Variants in PRKDC observed in about 807,000 individuals in gnomAD.
The protein encoded by PRKDC is protein kinase, DNA-activated, catalytic subunit, also known as DNA-dependent protein kinase catalytic subunit.
A neutral mutation model predicts 486.9 loss-of-function variants in PRKDC; 82 were observed. The observed-to-expected ratio is 0.17, with a 90% CI of 0.14 to 0.20. The LOEUF is 0.20. PRKDC is among the 10% of genes least tolerant of loss of function. The pLI, the probability that PRKDC is intolerant of heterozygous loss-of-function variation, is 1.00. For missense variants in PRKDC, 4,504 were observed against 5,038.2 expected (o/e 0.89, Z 3.21); for synonymous variants, 1,895 against 1,837.0 (o/e 1.03, Z -0.81).
At chr8:47,949,971 A>G (rs2090600916) in intron 7 of PRKDC, among the ~76,000 whole-genome samples, 1 of 152,226 alleles carries the variant, frequency 6.6e-6, no homozygotes, top group Admixed American at 6.6e-5. Context: ...TAATTACTTG[A>G]AGATAAAGTG....
intron 71 of PRKDC, 85 bp downstream of exon 71, chr8:47,800,708 C>T: frequency 8.1e-7 from 1 of 1,230,550 alleles, no homozygotes; most frequent in Non-Finnish European, 1.1e-6. Context: ...AAAGCAACAT[C>T]CTTATTATTA....
rs1190537661 is a variant in PRKDC, at chr8:47,886,227, T to C, written c.4573-80A>G. The stretch of plus-strand genomic sequence containing the variant: ...GAAAGACCCTTGGGCAACTGATAAC[T>C]TTGAAATTGGAAAATGACACAGGTC... On this transcript the variant is annotated intron_variant, in intron 35 of 85. Transcript: ENST00000314191. 4.2e-6 allele frequency: 5 copies of C among 1,192,394 alleles called. No individual in the cohort carries two copies. The East Asian group carries it at 1.0e-4, about 25-fold the overall frequency. 73.9% of individuals were successfully genotyped at this position (1,192,394 alleles called of 1,614,324 possible).
chr8:47,857,668 G>A (rs1273634484), intron 48 of PRKDC, among the ~76,000 whole-genome samples: 2 of 152,102 alleles, frequency 1.3e-5, no homozygotes, highest in Non-Finnish European at 2.9e-5. Flanking sequence ...CTCAGGCCAC[G>A]GCTGTCTGAG....
chr8:47,807,563 C>T (rs1190681817), intron 68 of PRKDC, among the ~76,000 whole-genome samples: 7 of 151,726 alleles, frequency 4.6e-5, no homozygotes, highest in Admixed American at 1.3e-4. Flanking sequence ...GGACTACAGG[C>T]GCCTGCCACT....
chr8:47,930,824 T>C lies in PRKDC; in HGVS notation c.1777-37A>G, dbSNP rs909571012. 6 of 1,510,722 alleles carry C rather than the reference T, an allele frequency of 4.0e-6. No homozygotes were observed. The African/African-American group carries it at 7.1e-5, about 18-fold the overall frequency. 93.6% of individuals were successfully genotyped at this position (1,510,722 alleles called of 1,614,324 possible). A position where few individuals can be genotyped will look rare whatever the true frequency, so the allele number is the denominator to read the frequency against. On this transcript the variant is annotated intron_variant, in intron 16 of 85. Transcript: ENST00000314191. ...ATTGTAGCAAAGAAACATTGTACCA[T>C]TCAATCACGAATCACTCAACAAATA...
chr8:47,938,306 G>C (rs2090387856), intron 11 of PRKDC, among the ~76,000 whole-genome samples: 1 of 151,888 alleles, frequency 6.6e-6, no homozygotes, highest in South Asian at 2.1e-4. Flanking sequence ...CAGCACTTGG[G>C]AGGCTGAGGC....
intron 80 of PRKDC, among the ~76,000 whole-genome samples, chr8:47,781,731 G>C (rs1376728219): frequency 6.6e-6 from 1 of 152,170 alleles, no homozygotes; most frequent in Non-Finnish European, 1.5e-5. Flanking sequence ...CCACTTTACA[G>C]GCTAAGTGAC....
chr8:47,844,797 C>T lies in PRKDC; in HGVS notation c.7280+4357G>A, dbSNP rs111651600. Among the ~76,000 whole-genome samples, 1,515 of 152,144 alleles carry T rather than the reference C, an allele frequency of 1.0e-2. 28 individuals carry two copies. The highest frequency in any genetic ancestry group is 0.034 in the African/African-American group (1,400 of 41,496). On this transcript the variant is annotated intron_variant, in intron 54 of 85. Transcript: ENST00000314191. ...TACTCCTAAATGACTATTGAGAAAA[C>T]AACAAAATTAAGGCAAGAATCAAAA...
At chr8:47,784,977 T>G in intron 77 of PRKDC, 136 bp downstream of exon 77, 1 of 826,338 alleles carries the variant, frequency 1.2e-6, no homozygotes, top group South Asian at 1.6e-5. Flanking sequence ...GATGAAAAAT[T>G]CGGTGAATTT....
At chr8:47,785,035 AT>A in intron 77 of PRKDC, 77 bp downstream of exon 77, 1 of 1,383,424 alleles carries the variant, frequency 7.2e-7, no homozygotes, top group South Asian at 1.2e-5. Flanking sequence ...CAGTATCACT[AT>A]TCCAGAAACC....
chr8:47,894,447 G>A (rs1309393494), intron 30 of PRKDC, among the ~76,000 whole-genome samples: 1 of 152,082 alleles, frequency 6.6e-6, no homozygotes, highest in Non-Finnish European at 1.5e-5. Flanking sequence ...TAGAAAGAAA[G>A]GACACAAAAA....
In PRKDC at chr8:47,840,167, A is replaced by C; in HGVS notation, c.7303T>G (p.Cys2435Gly). 8 of 1,599,504 alleles carry C rather than the reference A, an allele frequency of 5.0e-6. No individual in the cohort carries two copies. Among genetic ancestry groups the C allele is most frequent in the Non-Finnish European group, 6.0e-6 (7 of 1,171,766 alleles). ...ATCATCTTATAAATTATGTCCAAACATACTTTTTGTCTTTCATCATCTCTA... is the reference window on the plus strand; with the variant it reads ...ATCATCTTATAAATTATGTCCAAACCTACTTTTTGTCTTTCATCATCTCTA... ...RHRDDERQKV[C>G]LDIIYKMMPK... Residue 2435 changes from cysteine to glycine, a missense_variant, in exon 55 of 86, where the codon TGT (cysteine) becomes GGT (glycine). By Grantham distance (159) the Cys-to-Gly change is radical. Around this residue, in one of 6 missense-constraint regions of PRKDC, gnomAD observed 1,592 missense variants for 1,724.6 expected, o/e 0.92. Transcript: ENST00000314191.
Position 47,934,108 on chromosome 8 carries a change from A to G in PRKDC, c.1498-18T>C, listed in dbSNP as rs1278674704. The G allele has an allele frequency of 2.5e-6, 4 of 1,608,740 alleles. No individual in the cohort carries two copies. Among genetic ancestry groups the G allele is most frequent in the Non-Finnish European group, 2.5e-6 (3 of 1,177,326 alleles). ...TCAGGGCCCTGGCCAGAAAGACAGC[A>G]TGACAATATGTAGTGATGGATTCTC... On this transcript the variant is annotated intron_variant, in intron 14 of 85. Coordinates refer to ENST00000314191, the MANE Select transcript of PRKDC (RefSeq NM_006904.7).
chr8:47,879,188 T>C (rs533044978), intron 39 of PRKDC, among the ~76,000 whole-genome samples: 74 of 152,324 alleles, frequency 4.9e-4, no homozygotes, highest in African/African-American at 1.7e-3. Context: ...AAAAACAAAT[T>C]CCAGTGGATT....
chr8:47,924,973 C>T (rs145689650), intron 21 of PRKDC, among the ~76,000 whole-genome samples: 1,663 of 152,290 alleles, frequency 0.011, 18 homozygotes, highest in Non-Finnish European at 0.014. Context: ...CTACCTCCAT[C>T]GCCCTTCTCA....
chr8:47,951,438 A>T (rs1333480089), intron 7 of PRKDC, among the ~76,000 whole-genome samples: 2 of 152,102 alleles, frequency 1.3e-5, no homozygotes, highest in African/African-American at 4.8e-5. Context: ...AGAAACTGGT[A>T]TCTGGCTAGG....
At chr8:47,777,230 C>T (rs888638660) in intron 84 of PRKDC, among the ~76,000 whole-genome samples, 9 of 150,852 alleles carry the variant, frequency 6.0e-5, no homozygotes, top group Admixed American at 1.3e-4. Context: ...TTTTTTGAGG[C>T]GGAGTTTCAC....
intron 54 of PRKDC, among the ~76,000 whole-genome samples, chr8:47,844,333 A>G (rs541888526): frequency 2.0e-5 from 3 of 152,264 alleles, no homozygotes; most frequent in African/African-American, 7.2e-5. Context: ...GTTCAATTCA[A>G]TAAGAAGACT....
At chr8:47,900,738 A>G (rs1375080229) in intron 27 of PRKDC, among the ~76,000 whole-genome samples, 1 of 151,666 alleles carries the variant, frequency 6.6e-6, no homozygotes, top group East Asian at 1.9e-4. Flanking sequence ...AGCCCCAGCT[A>G]CTCGGGAGGC....
Sources: gnomAD v4.1 joint callset for allele counts (sites outside exome capture counted in the v4.1 genomes callset) on GRCh38, gnomAD v4.1.1 for gene constraint, gnomAD v4.1.1 regional missense constraint, MANE v1.5 for transcripts, NCBI Gene and HGNC (gene_info 2026-07-23, HGNC 2026-07-21) for gene names.